The following TFAP2C variants were observed in gnomAD, a reference collection of about 807,000 sequenced individuals.
TFAP2C encodes the protein transcription factor AP-2 gamma.
TFAP2C carries 9 observed loss-of-function variants against 42.9 expected under a neutral mutation model. The ratio of observed to expected loss-of-function variants is 0.21; its 90% confidence interval spans 0.13 to 0.37. TFAP2C has a LOEUF of 0.37. Among genes scored for constraint, TFAP2C ranks in the 10% least tolerant of loss-of-function variants. TFAP2C has a pLI of 1.00. For missense variants in TFAP2C, 462 were observed against 591.7 expected, an observed-to-expected ratio of 0.78 and a Z score of 2.27; for synonymous variants, 264 against 256.0, an observed-to-expected ratio of 1.03 and a Z score of -0.30.
Position 56,629,542 on chromosome 20 carries a change from G to T in TFAP2C, c.-3G>T. The T allele has an allele frequency of 7.0e-7, 1 of 1,426,498 alleles. No homozygotes were observed. The highest frequency in any genetic ancestry group is 9.2e-7 in the Non-Finnish European group (1 of 1,087,946). The allele number at this position is 1,426,498 out of a possible 1,614,324, so 88.4% of individuals were successfully genotyped here. ...GCGACTGTTTTGGGGGACGCCGGAC[G>T]CCATGTTGTGGAAAATAACCGATAA... On this transcript the variant is annotated 5_prime_UTR_variant, in exon 1 of 7. Transcript: ENST00000201031. This position sits in a 1 kb window ranked among gnomAD's most constrained non-coding sequence, Gnocchi z 5.9.
At position 56,630,919 on chromosome 20, in the gene TFAP2C, T is replaced by C; in HGVS notation, c.49-286T>C. The C allele has an allele frequency of 1.0e-6, 1 of 985,346 alleles. No individual in the cohort carries two copies. The allele number at this position is 985,346 out of a possible 1,614,324, so 61.0% of individuals were successfully genotyped here. On this transcript the variant is annotated intron_variant, in intron 1 of 6. Transcript: ENST00000201031. The surrounding 1 kb of genome is among the most constrained non-coding windows in gnomAD (Gnocchi z 5.1). ...AGACCCAGGGTTCGGACTTGGCGCC[T>C]CCAAGCGCCTCGGGCTTGGGAGCAG...
At position 56,630,593 on chromosome 20, in the gene TFAP2C, G is replaced by A. The variant is rs900746066; in HGVS notation, c.49-612G>A. On this transcript the variant is annotated intron_variant, in intron 1 of 6. Coordinates refer to ENST00000201031, the MANE Select transcript of TFAP2C (RefSeq NM_003222.4). The surrounding 1 kb of genome is among the most constrained non-coding windows in gnomAD (Gnocchi z 5.1). ...CTGGGCCCGGCCAGCAGGGAGGGCC[G>A]CCCTGTGCGCGCGCTCCCTCTTCAC... 1.9e-5 allele frequency: 14 copies of A among 737,902 alleles called. No homozygotes were observed. The African/African-American group carries it at 2.1e-4, about 11-fold the overall frequency. 45.7% of individuals were successfully genotyped at this position (737,902 alleles called of 1,614,324 possible). A position where few individuals can be genotyped will look rare whatever the true frequency, so the allele number is the denominator to read the frequency against.
chr20:56,637,983 C>T lies in TFAP2C; in HGVS notation c.1323C>T (p.Thr441=). 6.2e-7 allele frequency: 1 copy of T among 1,613,510 alleles called. No individual in the cohort carries two copies. The highest frequency in any genetic ancestry group is 8.5e-7 in the Non-Finnish European group (1 of 1,179,608). The change falls in exon 7 of 7, where the codon ACC becomes ACT. Residue 441 remains threonine, a synonymous_variant. Coordinates refer to ENST00000201031, the MANE Select transcript of TFAP2C (RefSeq NM_003222.4). The part of the protein sequence containing the change: ...GDQSPADSNK[T]LEKMEKHRK ...AGAGTCCAGCTGATTCTAACAAAAC[C>T]CTGGAGAAAATGGAGAAACACAGGA... is the stretch of plus-strand genomic sequence containing the variant.
In TFAP2C at chr20:56,631,055, C is replaced by T. The variant is rs1309762748; in HGVS notation, c.49-150C>T. 3 of 1,414,262 alleles carry T rather than the reference C, an allele frequency of 2.1e-6. No homozygotes were observed. The highest frequency in any genetic ancestry group is 3.0e-5 in the African/African-American group (2 of 67,298). 87.6% of individuals were successfully genotyped at this position (1,414,262 alleles called of 1,614,324 possible). On this transcript the variant is annotated intron_variant, in intron 1 of 6. Coordinates refer to ENST00000201031, the MANE Select transcript of TFAP2C (RefSeq NM_003222.4). The surrounding 1 kb of genome is among the most constrained non-coding windows in gnomAD (Gnocchi z 6.1). ...ACAACGAAATCCTCGGGGCGCATTG[C>T]CCCCGGGTACCTTCCGACCCTGGGC...
In TFAP2C at chr20:56,630,477, T is replaced by A. The variant is rs544544161; in HGVS notation, c.49-728T>A. ...ACGTGCGCGGGCAAGGCTGCCCAAT[T>A]TCCAGGGTTCTTCATGCCCCCTCTG... On this transcript the variant is annotated intron_variant, in intron 1 of 6. Transcript: ENST00000201031. This position sits in a 1 kb window ranked among gnomAD's most constrained non-coding sequence, Gnocchi z 5.1. The A allele has an allele frequency of 6.3e-5, 23 of 367,404 alleles. No homozygotes were observed. The highest frequency in any genetic ancestry group is 4.8e-4 in the African/African-American group (22 of 45,904). 22.8% of individuals were successfully genotyped at this position (367,404 alleles called of 1,614,324 possible).
Position 56,630,274 on chromosome 20 carries a change from A to C in TFAP2C, c.48+682A>C. Reference sequence around the variant, plus strand: ...CGGGAGCGCGGAGCTCGGGCTACGGACTCGCGGGAGTTCACTGCGCCTCCG... The same window carrying C: ...CGGGAGCGCGGAGCTCGGGCTACGGCCTCGCGGGAGTTCACTGCGCCTCCG... On this transcript the variant is annotated intron_variant, in intron 1 of 6. Coordinates refer to ENST00000201031, the MANE Select transcript of TFAP2C (RefSeq NM_003222.4). The surrounding 1 kb of genome is among the most constrained non-coding windows in gnomAD (Gnocchi z 5.1). 3.0e-6 allele frequency: 1 copy of C among 336,442 alleles called. No homozygotes were observed. The highest frequency in any genetic ancestry group is 2.1e-5 in the South Asian group (1 of 47,974). The allele number at this position is 336,442 out of a possible 1,614,324, so 20.8% of individuals were successfully genotyped here. A position where few individuals can be genotyped will look rare whatever the true frequency, so the allele number is the denominator to read the frequency against.
rs1159838941 is a variant in TFAP2C, at chr20:56,637,692, G to C, written c.1068-36G>C. On this transcript the variant is annotated intron_variant, in intron 6 of 6. Transcript: ENST00000201031. The stretch of plus-strand genomic sequence containing the variant: ...TGTGCTCTTGACCTGTAAGGAGCTA[G>C]ATGGAACTCATCGAGTCAACTGACT... The C allele has an allele frequency of 2.5e-6, 4 of 1,608,332 alleles. No individual in the cohort carries two copies. In the East Asian group the frequency reaches 8.9e-5, roughly 36 times the overall value.
At chr20:56,636,030 T>C (rs971709159) in intron 5 of TFAP2C, among the ~76,000 whole-genome samples, 5 of 152,172 alleles carry the variant, frequency 3.3e-5, no homozygotes, top group African/African-American at 1.2e-4. Context: ...TGAATACAGA[T>C]TCTGAACCCA....
Position 56,631,757 on chromosome 20 carries a change from CCT to C in TFAP2C, c.535-45_535-44del, listed in dbSNP as rs1555825345. ...CGGCCTTCTGCCCCCACCCCGCACT[CCT>C]CTAGGCTCCCCCGAACTTAAGGGAA... On this transcript the variant is annotated intron_variant, in intron 2 of 6. Coordinates refer to ENST00000201031, the MANE Select transcript of TFAP2C (RefSeq NM_003222.4). This position sits in a 1 kb window ranked among gnomAD's most constrained non-coding sequence, Gnocchi z 6.1. 6.2e-7 allele frequency: 1 copy of C among 1,613,776 alleles called. No individual in the cohort carries two copies. The highest frequency in any genetic ancestry group is 1.3e-5 in the African/African-American group (1 of 74,934).
intron 4 of TFAP2C, among the ~76,000 whole-genome samples, 156 bp from the exon 5 acceptor site, chr20:56,633,994 T>C (rs911742997): frequency 6.6e-6 from 1 of 152,246 alleles, no homozygotes; most frequent in Non-Finnish European, 1.5e-5. Flanking sequence ...AAGAGGACCC[T>C]GCTATCACTT....
Position 56,638,128 on chromosome 20 carries a change from T to C in TFAP2C, c.*115T>C. 1.1e-6 allele frequency: 1 copy of C among 941,152 alleles called. No homozygotes were observed. The highest frequency in any genetic ancestry group is 1.6e-6 in the Non-Finnish European group (1 of 642,336). 58.3% of individuals were successfully genotyped at this position (941,152 alleles called of 1,614,324 possible). On this transcript the variant is annotated 3_prime_UTR_variant, in exon 7 of 7. Transcript: ENST00000201031. ...CTGGGGGAAGAGTTTGTTACCTACC[T>C]TACTATTTAAAGAGCCTTCACTGGT...
chr20:56,631,466 C>A lies in TFAP2C; in HGVS notation c.310C>A (p.Pro104Thr). ...CACAGGCAGCCAGCAGCAGGCCTGGCCCGGCCGCCAGAGCCAGGAGGGAGC... is the reference window on the plus strand; with the variant it reads ...CACAGGCAGCCAGCAGCAGGCCTGGACCGGCCGCCAGAGCCAGGAGGGAGC... ...APTGSQQQAW[P>T]GRQSQEGAGL... The change falls in exon 2 of 7, where the codon CCC (proline) becomes ACC (threonine). Residue 104 changes from proline (P) to threonine (T), a missense_variant. Physicochemically the swap from Pro to Thr is conservative, Grantham distance 38 (BLOSUM62 -1). Around this residue, in one of 5 missense-constraint regions of TFAP2C, gnomAD observed 271 missense variants for 269.7 expected, o/e 1.00. Transcript: ENST00000201031. This position sits in a 1 kb window ranked among gnomAD's most constrained non-coding sequence, Gnocchi z 6.1. The A allele has an allele frequency of 1.3e-6, 2 of 1,544,536 alleles. No homozygotes were observed. The highest frequency in any genetic ancestry group is 1.2e-5 in the South Asian group (1 of 82,616).
In TFAP2C at chr20:56,637,621, G is replaced by A. The variant is rs1182209796; in HGVS notation, c.1068-107G>A. ...TTAAATTCTCCTTCCTCGGGTTGAA[G>A]CAGTTGTGCTTGCCTCCCGGGCGCC... On this transcript the variant is annotated intron_variant, in intron 6 of 6. Coordinates refer to ENST00000201031, the MANE Select transcript of TFAP2C (RefSeq NM_003222.4). 4 of 984,328 alleles carry A rather than the reference G, an allele frequency of 4.1e-6. No homozygotes were observed. The African/African-American group carries it at 6.4e-5, about 16-fold the overall frequency. The allele number at this position is 984,328 out of a possible 1,614,324, so 61.0% of individuals were successfully genotyped here.
At position 56,630,644 on chromosome 20, in the gene TFAP2C, G is replaced by A; in HGVS notation, c.49-561G>A. ...TTCCCAGGGCGGCGCAGGGTGGCGG[G>A]CCCTGCTTTCCGAGCGCCGCCCGCT... On this transcript the variant is annotated intron_variant, in intron 1 of 6. Transcript: ENST00000201031. The surrounding 1 kb of genome is among the most constrained non-coding windows in gnomAD (Gnocchi z 5.1). The A allele has an allele frequency of 5.2e-6, 5 of 969,804 alleles. No homozygotes were observed. The highest frequency in any genetic ancestry group is 6.1e-6 in the Non-Finnish European group (5 of 815,678). The allele number at this position is 969,804 out of a possible 1,614,324, so 60.1% of individuals were successfully genotyped here.
At chr20:56,635,327 CA>C (rs1987563762) in intron 5 of TFAP2C, among the ~76,000 whole-genome samples, 1 of 152,112 alleles carries the variant, frequency 6.6e-6, no homozygotes, top group African/African-American at 2.4e-5. Context: ...TCAGTCAACC[CA>C]GGGGGCCCCT....
At chr20:56,634,667 TTTTTGTAGCTGTGGGTTA>T (rs1323848459) in intron 5 of TFAP2C, among the ~76,000 whole-genome samples, 2 of 152,172 alleles carry the variant, frequency 1.3e-5, no homozygotes, top group African/African-American at 4.8e-5. Flanking sequence ...CTGCTTCTGT[TTTTTGTAGCTGTGGGTTA>T]TTTTGTAGCT....
In TFAP2C at chr20:56,631,435, G is replaced by C. The variant is rs370112218; in HGVS notation, c.279G>C (p.Pro93=). Residue 93 remains proline (P), a synonymous_variant, in exon 2 of 7, where the codon CCG becomes CCC. Transcript: ENST00000201031. The surrounding 1 kb of genome is among the most constrained non-coding windows in gnomAD (Gnocchi z 6.1). Reference sequence around the variant, plus strand: ...CCGCCATCAACCCCCTGCACCAGCCGGCGCCCACAGGCAGCCAGCAGCAGG... The same window carrying C: ...CCGCCATCAACCCCCTGCACCAGCCCGCGCCCACAGGCAGCCAGCAGCAGG... ...YAAAINPLHQ[P]APTGSQQQAW... is the part of the protein sequence containing the mutation. The C allele has an allele frequency of 3.8e-6, 6 of 1,584,572 alleles. No individual in the cohort carries two copies. Among genetic ancestry groups the C allele is most frequent in the Non-Finnish European group, 5.1e-6 (6 of 1,167,668 alleles).
intron 4 of TFAP2C, 90 bp from the exon 5 acceptor site, chr20:56,634,060 A>C (rs1987543110): frequency 7.2e-6 from 6 of 835,388 alleles, no homozygotes. Flanking sequence ...CTTTGACAGC[A>C]GCACTTTAGG....
Position 56,638,415 on chromosome 20 carries a change from CT to C in TFAP2C, c.*410del, listed in dbSNP as rs1209061389. 1.8e-5 allele frequency: 3 copies of C among 166,162 alleles called. No homozygotes were observed. The highest frequency in any genetic ancestry group is 1.7e-4 in the South Asian group (1 of 5,822). 10.3% of individuals were successfully genotyped at this position (166,162 alleles called of 1,614,324 possible). On this transcript the variant is annotated 3_prime_UTR_variant, in exon 7 of 7. Coordinates refer to ENST00000201031, the MANE Select transcript of TFAP2C (RefSeq NM_003222.4). ...CCCTAGATCAACAGATCAACAATAC[CT>C]TTTTTTTCAGTGTTAAGGTAATGGT...
Sources: allele counts gnomAD v4.1 joint callset (sites outside exome capture counted in the v4.1 genomes callset), GRCh38; gene constraint gnomAD v4.1.1; regional missense constraint gnomAD v4.1.1; non-coding constraint Gnocchi (gnomAD v3.1); transcripts MANE v1.5; gene names NCBI Gene and HGNC (gene_info 2026-07-23, HGNC 2026-07-21).